The following MTR variants were observed in gnomAD, a reference collection of about 807,000 sequenced individuals.
The protein encoded by MTR is 5-methyltetrahydrofolate-homocysteine methyltransferase.
A neutral mutation model predicts 154.8 loss-of-function variants in MTR; 84 were observed. The observed-to-expected ratio is 0.54, with a 90% CI of 0.45 to 0.65. The LOEUF (loss-of-function observed/expected upper bound fraction) is 0.65, where lower values mean the gene tolerates loss of function less well. Ranked by LOEUF, MTR falls within the 30% of genes least tolerant of loss-of-function variation. The pLI, the probability that MTR is intolerant of heterozygous loss-of-function variation, is 0.00. For missense variants in MTR, 1,275 were observed against 1,570.2 expected (o/e 0.81, Z 3.18); for synonymous variants, 554 against 553.9 (o/e 1.00, Z 0.00).
At chr1:236,811,954 T>A (rs1556871) in intron 5 of MTR, among the ~76,000 whole-genome samples, 11,278 of 152,264 alleles carry the variant, frequency 0.074, 839 homozygotes, top group African/African-American at 0.19. Flanking sequence ...TATCTTGGCT[T>A]ACTGCAGCCT....
chr1:236,868,310 G>T (rs1287825645), intron 22 of MTR, among the ~76,000 whole-genome samples: 2 of 152,058 alleles, frequency 1.3e-5, no homozygotes, highest in Non-Finnish European at 2.9e-5. Context: ...TTAAATTAAG[G>T]TATGTATACC....
At position 236,895,496 on chromosome 1, in the gene MTR, G is replaced by A. The variant is rs781051354; in HGVS notation, c.3544G>A (p.Asp1182Asn). 16 of 1,594,614 alleles carry A rather than the reference G, an allele frequency of 1.0e-5. No individual in the cohort carries two copies. The highest frequency in any genetic ancestry group is 2.3e-5 in the East Asian group (1 of 44,006). ...GGCTCCTGGCTACCCCAGCCAGCCC[G>A]ACCACACCGAGAAGCTCACCATGTG... is the stretch of plus-strand genomic sequence containing the variant. ...RPAPGYPSQP[D>N]HTEKLTMWRL... Residue 1182 changes from aspartate (D) to asparagine (N), a missense_variant, in exon 31 of 33, where the codon GAC becomes AAC. Transcript: ENST00000366577.
At chr1:236,820,803 TC>T (rs1272093685) in intron 8 of MTR, among the ~76,000 whole-genome samples, 2 of 152,170 alleles carry the variant, frequency 1.3e-5, no homozygotes, top group African/African-American at 4.8e-5. Context: ...TCCGCATCCT[TC>T]CCAACATTTG....
At chr1:236,867,939 A>G (rs1014506146) in intron 22 of MTR, among the ~76,000 whole-genome samples, 1 of 152,230 alleles carries the variant, frequency 6.6e-6, no homozygotes, top group African/African-American at 2.4e-5. Flanking sequence ...GGCTATGAAC[A>G]GTGTTGAAAT....
In MTR at chr1:236,800,458, C is replaced by T. The variant is rs146940442; in HGVS notation, c.35-2970C>T. Reference sequence around the variant, plus strand: ...CAGCTACATCCTTTTGAGAAGAAAGCGATTCAGCTGGGCATGTAGGTTAGA... The same window carrying T: ...CAGCTACATCCTTTTGAGAAGAAAGTGATTCAGCTGGGCATGTAGGTTAGA... On this transcript the variant is annotated intron_variant, in intron 1 of 32. Transcript: ENST00000366577. 216 of 985,380 alleles carry T rather than the reference C, an allele frequency of 2.2e-4. No individual in the cohort carries two copies. The African/African-American group carries it at 3.3e-3, about 15-fold the overall frequency. The allele number at this position is 985,380 out of a possible 1,614,324, so 61.0% of individuals were successfully genotyped here. A position where few individuals can be genotyped will look rare whatever the true frequency, so the allele number is the denominator to read the frequency against.
chr1:236,832,877 C>G (rs1662693516), intron 13 of MTR, among the ~76,000 whole-genome samples: 1 of 152,146 alleles, frequency 6.6e-6, no homozygotes, highest in African/African-American at 2.4e-5. Flanking sequence ...GTCTTCCTTC[C>G]CAGTCCCTCA....
rs556617748 is a variant in MTR at position 236,816,790 on chromosome 1, G to A, written c.764+247G>A. 5.3e-5 allele frequency among the ~76,000 whole-genome samples: 8 copies of A among 152,302 alleles called. No homozygotes were observed. In the East Asian group the frequency reaches 1.5e-3, roughly 29 times the overall value. ...AAATGGTTGCCTGTTTTCTGTAGGC[G>A]TGCCCCTTATAGTTTGCAGTGCTTT... On this transcript the variant is annotated intron_variant, in intron 8 of 32. Coordinates refer to ENST00000366577, the MANE Select transcript of MTR (RefSeq NM_000254.3).
chr1:236,816,719 G>A (rs1661616308), intron 8 of MTR, among the ~76,000 whole-genome samples, 176 bp downstream of exon 8: 1 of 152,170 alleles, frequency 6.6e-6, no homozygotes, highest in Admixed American at 6.5e-5. Context: ...GAAGATCGCT[G>A]CCTAAACGGG....
chr1:236,860,029 A>T, intron 19 of MTR, 107 bp downstream of exon 19: 8 of 705,680 alleles, frequency 1.1e-5, no homozygotes, highest in East Asian at 4.2e-5. Flanking sequence ...TAGACCACTG[A>T]TTCTCAACCT....
In MTR at chr1:236,803,570, T is replaced by C. The variant is rs771729715; in HGVS notation, c.177T>C (p.His59=). The change falls in exon 2 of 33, where the codon CAT becomes CAC. Residue 59 remains histidine (H), a synonymous_variant. Transcript: ENST00000366577. ...EHFRGQEFKD[H]ARPLKGNNDI... is the part of the protein sequence containing the mutation. Reference sequence around the variant, plus strand: ...TCCGAGGTCAGGAATTTAAAGATCATGCCAGGCCGCTGAAAGGCAACAATG... The same window carrying C: ...TCCGAGGTCAGGAATTTAAAGATCACGCCAGGCCGCTGAAAGGCAACAATG... 5.0e-6 allele frequency: 8 copies of C among 1,614,080 alleles called. No homozygotes were observed. Among genetic ancestry groups the C allele is most frequent in the African/African-American group, 2.7e-5 (2 of 74,938 alleles).
chr1:236,804,405 C>G (rs886372375), intron 2 of MTR, among the ~76,000 whole-genome samples: 1 of 152,156 alleles, frequency 6.6e-6, no homozygotes, highest in Non-Finnish European at 1.5e-5. Flanking sequence ...TTCTAAGATA[C>G]AATTATCATT....
intron 32 of MTR, among the ~76,000 whole-genome samples, 192 bp downstream of exon 32, chr1:236,897,310 G>GCGCGCGCGCGCGCGCGCGCACACACA: frequency 9.4e-4 from 121 of 128,658 alleles, no homozygotes; most frequent in Non-Finnish European, 1.8e-3. Context: ...CCACACACAC[G>GCGCGCGCGCGCGCGCGCGCACACACA]CACACACACA....
rs1015275164 is a variant in MTR at position 236,863,230 on chromosome 1, T to C, written c.2305-224T>C. On this transcript the variant is annotated intron_variant, in intron 21 of 32. Coordinates refer to ENST00000366577, the MANE Select transcript of MTR (RefSeq NM_000254.3). ...CTGTTTTGTGTGTGAACATCAACTA[T>C]TCTTTGAAAGGATGGGACCTCCTGA... Among the ~76,000 whole-genome samples the C allele has an allele frequency of 5.9e-5, 9 of 152,368 alleles. No homozygotes were observed. In the East Asian group the frequency reaches 1.7e-3, roughly 29 times the overall value.
chr1:236,821,595 T>G (rs906855564), intron 8 of MTR, among the ~76,000 whole-genome samples: 2 of 152,238 alleles, frequency 1.3e-5, no homozygotes, highest in African/African-American at 4.8e-5. Flanking sequence ...TTTTTTTCTT[T>G]CATGGACCCT....
intron 24 of MTR, among the ~76,000 whole-genome samples, chr1:236,877,779 T>A (rs1282067384): frequency 6.6e-6 from 1 of 152,232 alleles, no homozygotes; most frequent in Non-Finnish European, 1.5e-5. Context: ...AGGATATGCC[T>A]ATGATCATCT....
chr1:236,893,533 TC>T (rs1354684899), intron 29 of MTR, among the ~76,000 whole-genome samples: 1 of 152,222 alleles, frequency 6.6e-6, no homozygotes, highest in East Asian at 1.9e-4. Context: ...ATCACCTATG[TC>T]ACAAGGTGGT....
chr1:236,892,330 C>T (rs1408086016), intron 29 of MTR, among the ~76,000 whole-genome samples: 5 of 151,848 alleles, frequency 3.3e-5, no homozygotes, highest in African/African-American at 9.7e-5. Flanking sequence ...AAAAATGAGC[C>T]GTGCACTGGG....
intron 4 of MTR, 125 bp downstream of exon 4, chr1:236,808,898 G>A (rs541000296): frequency 4.9e-6 from 4 of 813,704 alleles, no homozygotes; most frequent in Non-Finnish European, 6.4e-6. Context: ...TGCAGAGACT[G>A]TATTTTACAT....
In MTR at chr1:236,859,879, G is replaced by C. The variant is rs1192633508; in HGVS notation, c.2000G>C (p.Arg667Thr). The change falls in exon 19 of 33, where the codon AGA becomes ACA. Residue 667 changes from arginine to threonine, a missense_variant. Coordinates refer to ENST00000366577, the MANE Select transcript of MTR (RefSeq NM_000254.3). ...GKKVIQTDEW[R>T]NGPVEERLEY... ...AAAGTCATTCAGACTGATGAGTGGA[G>C]AAATGGCCCTGTCGAAGAACGCCTT... is the stretch of plus-strand genomic sequence containing the variant. The C allele has an allele frequency of 6.2e-7, 1 of 1,614,048 alleles. No individual in the cohort carries two copies. The highest frequency in any genetic ancestry group is 8.5e-7 in the Non-Finnish European group (1 of 1,179,950).
Sources: allele counts gnomAD v4.1 joint callset (sites outside exome capture counted in the v4.1 genomes callset), GRCh38; gene constraint gnomAD v4.1.1; transcripts MANE v1.5; gene names NCBI Gene and HGNC (gene_info 2026-07-23, HGNC 2026-07-21).